Variants in EPB41L3 observed in about 807,000 individuals in gnomAD.
The protein encoded by EPB41L3 is erythrocyte membrane protein band 4.1 like 3.
A neutral mutation model predicts 127.1 loss-of-function variants in EPB41L3; 57 were observed. That is an observed-to-expected ratio of 0.45 (90% CI 0.36 to 0.56). The LOEUF is 0.56. Ranked by LOEUF, EPB41L3 falls within the 20% of genes least tolerant of loss-of-function variation. EPB41L3 has a pLI of 0.00. For missense variants in EPB41L3, 1,273 were observed against 1,372.2 expected (o/e 0.93, Z 1.14); for synonymous variants, 572 against 549.5 (o/e 1.04, Z -0.57).
rs529981219 is a variant in EPB41L3, at chr18:5,416,056, T to C, written c.1829A>G (p.Asn610Ser). The change falls in exon 13 of 23, where the codon AAC becomes AGC. Residue 610 changes from asparagine (N) to serine (S), a missense_variant. Asn to Ser is a conservative substitution (Grantham distance 46). This residue lies in a region of EPB41L3 where 765 missense variants were observed against 782.9 expected (regional missense o/e 0.98). Transcript: ENST00000341928. ...GGGCAGGAGGTTGGTTTCAGAAAGG[T>C]TGGGGAAAGAGAGGTATCCATCATC... Reference protein sequence around the residue: ...LDDDGYLSFPNLSETNLLPQS... With the variant: ...LDDDGYLSFPSLSETNLLPQS... 14 of 1,613,106 alleles carry C rather than the reference T, an allele frequency of 8.7e-6. No homozygotes were observed. The East Asian group carries it at 1.6e-4, about 18-fold the overall frequency.
chr18:5,446,531 G>A (rs2081502135), intron 3 of EPB41L3, among the ~76,000 whole-genome samples: 1 of 152,188 alleles, frequency 6.6e-6, no homozygotes, highest in African/African-American at 2.4e-5. Context: ...TTGTCTTTAA[G>A]AGTTAATGTA....
At chr18:5,505,097 T>C (rs1343676907) in intron 1 of EPB41L3, among the ~76,000 whole-genome samples, 11 of 152,186 alleles carry the variant, frequency 7.2e-5, no homozygotes, top group African/African-American at 1.9e-4. Context: ...CCTATGACCA[T>C]GCATCTGTCA....
intron 3 of EPB41L3, among the ~76,000 whole-genome samples, chr18:5,565,035 C>T (rs868038421): frequency 5.9e-5 from 9 of 152,246 alleles, no homozygotes; most frequent in South Asian, 2.1e-4. Context: ...GACTGGAGCA[C>T]GCATGCCCCT....
chr18:5,411,473 G>A (rs1187856811), intron 13 of EPB41L3, among the ~76,000 whole-genome samples: 1 of 152,074 alleles, frequency 6.6e-6, no homozygotes, highest in Non-Finnish European at 1.5e-5. Context: ...AGGTTTTGAG[G>A]AGAATGAGAA....
In EPB41L3 at chr18:5,474,403, A is replaced by T. The variant is rs938243327; in HGVS notation, c.381+3838T>A. On this transcript the variant is annotated intron_variant, in intron 3 of 22. Transcript: ENST00000341928. ...AGTGTTTAGTCATTGCTCTCAGATA[A>T]CTACTCCTTCTATCTTGCTTTCTGG... 5.3e-5 allele frequency among the ~76,000 whole-genome samples: 8 copies of T among 152,212 alleles called. 1 individual carries two copies. The highest frequency in any genetic ancestry group is 4.6e-4 in the Admixed American group (7 of 15,298).
At chr18:5,614,810 C>T (rs1371842461) in intron 1 of EPB41L3, among the ~76,000 whole-genome samples, 2 of 152,022 alleles carry the variant, frequency 1.3e-5, no homozygotes, top group Non-Finnish European at 2.9e-5. Flanking sequence ...TTTTAATATG[C>T]AGTTTCCAGG....
chr18:5,438,747 C>T (rs1018368514), intron 5 of EPB41L3, among the ~76,000 whole-genome samples: 1 of 152,206 alleles, frequency 6.6e-6, no homozygotes, highest in Non-Finnish European at 1.5e-5. Flanking sequence ...CCTGCACCTC[C>T]TCAGCCTGAG....
intron 18 of EPB41L3, 98 bp downstream of exon 18, chr18:5,396,959 GA>G: frequency 7.6e-7 from 1 of 1,316,374 alleles, no homozygotes. Context: ...GGGAGAGGCA[GA>G]AAATTAAACT....
chr18:5,601,232 C>G (rs1443746698), intron 3 of EPB41L3, among the ~76,000 whole-genome samples: 1 of 152,100 alleles, frequency 6.6e-6, no homozygotes, highest in Non-Finnish European at 1.5e-5. Flanking sequence ...AGTCTTGAGA[C>G]TCTTAATGGA....
At chr18:5,533,155 A>G (rs1490060014) in intron 1 of EPB41L3, among the ~76,000 whole-genome samples, 1 of 152,202 alleles carries the variant, frequency 6.6e-6, no homozygotes, top group Non-Finnish European at 1.5e-5. Flanking sequence ...ATGAGGGGGA[A>G]AAAAGCCAAC....
intron 14 of EPB41L3, among the ~76,000 whole-genome samples, chr18:5,409,929 GA>G (rs1350614308): frequency 6.6e-6 from 1 of 151,790 alleles, no homozygotes; most frequent in African/African-American, 2.4e-5. Flanking sequence ...TAACCCTAAA[GA>G]AAAAAGGAGA....
chr18:5,617,539 C>T (rs370846028), intron 1 of EPB41L3, among the ~76,000 whole-genome samples: 1 of 152,052 alleles, frequency 6.6e-6, no homozygotes, highest in African/African-American at 2.4e-5. Context: ...GGGATGGTCT[C>T]GATCTCCTGA....
At chr18:5,396,913 G>T in intron 18 of EPB41L3, 145 bp downstream of exon 18, 2 of 853,608 alleles carry the variant, frequency 2.3e-6, no homozygotes, top group East Asian at 2.5e-5. Flanking sequence ...TACTAGGTAT[G>T]AAAGAAGGAA....
At chr18:5,494,549 C>T (rs868255674) in intron 1 of EPB41L3, among the ~76,000 whole-genome samples, 3 of 151,944 alleles carry the variant, frequency 2.0e-5, no homozygotes, top group South Asian at 2.1e-4. Context: ...CCCACCTACT[C>T]GGGAGGCTGA....
chr18:5,587,735 A>G (rs578253901), intron 3 of EPB41L3, among the ~76,000 whole-genome samples: 33 of 152,326 alleles, frequency 2.2e-4, no homozygotes, highest in African/African-American at 6.7e-4. Flanking sequence ...TAAAAGAATA[A>G]CAGAATTTTA....
chr18:5,445,358 T>A, intron 3 of EPB41L3, 114 bp from the exon 4 acceptor site: 1 of 786,914 alleles, frequency 1.3e-6, no homozygotes, highest in Admixed American at 2.3e-5. Flanking sequence ...CTTTAGGGAG[T>A]GACCAACAGT....
chr18:5,419,815 C>G lies in EPB41L3; in HGVS notation c.1402G>C (p.Val468Leu). 1 of 1,614,234 alleles carries G rather than the reference C, an allele frequency of 6.2e-7. No homozygotes were observed. Among genetic ancestry groups the G allele is most frequent in the South Asian group, 1.1e-5 (1 of 91,086 alleles). ...TCCTCAGCCTTCTTCTCCGGAGTCA[C>G]AGTGGTGATCAAGTTGGTCTGAGAG... ...GISQTNLITTVTPEKKAEEER... is the reference protein window; with the variant it reads ...GISQTNLITTLTPEKKAEEER... The change falls in exon 12 of 23, where the codon GTG becomes CTG. Residue 468 changes from valine (V) to leucine (L), a missense_variant. Around this residue, in one of 3 missense-constraint regions of EPB41L3, gnomAD observed 765 missense variants for 782.9 expected, o/e 0.98. Transcript: ENST00000341928.
intron 3 of EPB41L3, among the ~76,000 whole-genome samples, chr18:5,605,397 T>G (rs1379524573): frequency 6.6e-6 from 1 of 151,866 alleles, no homozygotes; most frequent in Non-Finnish European, 1.5e-5. Flanking sequence ...TTTTCTTTAT[T>G]TTTTTTAGAT....
At chr18:5,630,437 C>G (rs753401099), upstream of EPB41L3, 3 of 518,982 alleles carry the variant, frequency 5.8e-6, no homozygotes, top group Non-Finnish European at 1.2e-5. Flanking sequence ...CCCGCAGGCA[C>G]AACCTTCCTT....
Sources: allele counts gnomAD v4.1 joint callset (sites outside exome capture counted in the v4.1 genomes callset), GRCh38; gene constraint gnomAD v4.1.1; regional missense constraint gnomAD v4.1.1; transcripts MANE v1.5; gene names NCBI Gene and HGNC (gene_info 2026-07-23, HGNC 2026-07-21).